Variants in FAM117B observed in about 807,000 individuals in gnomAD.
FAM117B encodes family with sequence similarity 117 member B.
Under a neutral mutation model 52.8 loss-of-function variants are expected in FAM117B, and 22 were observed. The observed-to-expected ratio is 0.42, with a 90% CI of 0.30 to 0.59. The LOEUF is 0.59. FAM117B is among the 20% of genes least tolerant of loss of function. The probability of loss-of-function intolerance (pLI) is 0.22; values close to 1 mark genes in which losing one functional copy is unlikely to be tolerated. For synonymous variants in FAM117B, 309 were observed against 324.1 expected (o/e 0.95, Z 0.50); for missense variants, 678 against 802.6 (o/e 0.84, Z 1.88).
intron 2 of FAM117B, among the ~76,000 whole-genome samples, chr2:202,714,329 T>G (rs142558543): frequency 6.6e-6 from 1 of 152,118 alleles, no homozygotes; most frequent in African/African-American, 2.4e-5. Flanking sequence ...CCATTTGATT[T>G]ATAGTATAGA....
At chr2:202,717,270 C>T (rs543903921) in intron 2 of FAM117B, among the ~76,000 whole-genome samples, 4 of 152,234 alleles carry the variant, frequency 2.6e-5, no homozygotes, top group African/African-American at 9.6e-5. Context: ...CAGGAGTTTG[C>T]GACCAGCCTG....
intron 2 of FAM117B, among the ~76,000 whole-genome samples, chr2:202,699,253 T>A: frequency 6.6e-6 from 1 of 151,138 alleles, no homozygotes; most frequent in Non-Finnish European, 1.5e-5. Flanking sequence ...ATGGTGAAAC[T>A]CTGTCTCTAC....
At chr2:202,751,201 T>G (rs986445461) in intron 4 of FAM117B, among the ~76,000 whole-genome samples, 2 of 152,234 alleles carry the variant, frequency 1.3e-5, no homozygotes, top group African/African-American at 4.8e-5. Flanking sequence ...TACAGATCAC[T>G]CTGTGTTACT....
intron 2 of FAM117B, among the ~76,000 whole-genome samples, chr2:202,723,327 AGTATTTTTTG>A (rs1691181037): frequency 6.6e-6 from 1 of 152,230 alleles, no homozygotes; most frequent in Non-Finnish European, 1.5e-5. Context: ...CAAACTGCAC[AGTATTTTTTG>A]GTATTTTTTA....
intron 1 of FAM117B, among the ~76,000 whole-genome samples, chr2:202,655,573 A>G (rs141193856): frequency 1.6e-3 from 240 of 152,272 alleles, no homozygotes; most frequent in Admixed American, 4.4e-3. Flanking sequence ...TTGGCTTTAT[A>G]AAATGAGTTG....
In FAM117B at chr2:202,636,714, A is replaced by G. The variant is rs558511318; in HGVS notation, c.601+926A>G. Among the ~76,000 whole-genome samples, 6 of 152,320 alleles carry G rather than the reference A, an allele frequency of 3.9e-5. No homozygotes were observed. The South Asian group carries it at 1.2e-3, about 32-fold the overall frequency. On this transcript the variant is annotated intron_variant, in intron 1 of 7. Transcript: ENST00000392238. The stretch of plus-strand genomic sequence containing the variant: ...TACGTATTCATTTTTGTCAACATAT[A>G]TCTTTGTCTTTCCTTGTCTGGGGAA...
intron 4 of FAM117B, among the ~76,000 whole-genome samples, chr2:202,738,361 T>C (rs1313267419): frequency 6.6e-6 from 1 of 152,196 alleles, no homozygotes; most frequent in Non-Finnish European, 1.5e-5. Context: ...AACCTACTTA[T>C]AATTATCACA....
intron 2 of FAM117B, among the ~76,000 whole-genome samples, chr2:202,706,729 T>C (rs1029011956): frequency 7.9e-5 from 12 of 152,262 alleles, no homozygotes; most frequent in Non-Finnish European, 1.5e-4. Flanking sequence ...AAAATTACTT[T>C]TTGAGTAACA....
At chr2:202,665,193 T>C (rs932281071) in intron 1 of FAM117B, among the ~76,000 whole-genome samples, 20 of 151,934 alleles carry the variant, frequency 1.3e-4, no homozygotes, top group African/African-American at 4.8e-4. Flanking sequence ...TTTCTTTTTT[T>C]TTTTTTGAGA....
intron 1 of FAM117B, among the ~76,000 whole-genome samples, chr2:202,637,980 G>A (rs1689713454): frequency 1.3e-5 from 2 of 151,060 alleles, no homozygotes; most frequent in Non-Finnish European, 1.5e-5. Context: ...GGGTTCAAGC[G>A]ATGCTCCTGC....
intron 4 of FAM117B, among the ~76,000 whole-genome samples, chr2:202,749,376 A>G (rs1691686125): frequency 6.6e-6 from 1 of 152,112 alleles, no homozygotes; most frequent in African/African-American, 2.4e-5. Flanking sequence ...AAAATTATGC[A>G]ACTATAAAAA....
At chr2:202,710,724 C>T (rs2105782024) in intron 2 of FAM117B, among the ~76,000 whole-genome samples, 2 of 152,198 alleles carry the variant, frequency 1.3e-5, no homozygotes, top group Non-Finnish European at 2.9e-5. Context: ...TGCTAACCTT[C>T]TCAGCCTCTG....
chr2:202,738,933 A>C (rs1691481618), intron 4 of FAM117B, among the ~76,000 whole-genome samples: 1 of 152,216 alleles, frequency 6.6e-6, no homozygotes, highest in Non-Finnish European at 1.5e-5. Context: ...TCACGCCTGT[A>C]ATCCCAGCAC....
chr2:202,706,990 CAT>C (rs1250041715), intron 2 of FAM117B, among the ~76,000 whole-genome samples: 3 of 152,162 alleles, frequency 2.0e-5, no homozygotes, highest in Admixed American at 6.5e-5. Flanking sequence ...TCTTATTTCA[CAT>C]GTTAGATCAA....
chr2:202,702,218 C>G (rs746778332), intron 2 of FAM117B, among the ~76,000 whole-genome samples: 15 of 151,908 alleles, frequency 9.9e-5, no homozygotes, highest in Non-Finnish European at 2.1e-4. Context: ...TAGTGAAACC[C>G]CTTCTATATT....
intron 2 of FAM117B, among the ~76,000 whole-genome samples, chr2:202,703,031 C>T (rs1349293567): frequency 2.0e-5 from 3 of 152,184 alleles, no homozygotes; most frequent in East Asian, 1.9e-4. Flanking sequence ...TGGTCTGGAA[C>T]TGAACTCCCA....
chr2:202,714,533 C>CTT (rs1034689626), intron 2 of FAM117B, among the ~76,000 whole-genome samples: 73 of 117,640 alleles, frequency 6.2e-4, no homozygotes, highest in South Asian at 7.9e-4. Flanking sequence ...TTTTTTTTTT[C>CTT]TTTTTTTTTT....
intron 4 of FAM117B, among the ~76,000 whole-genome samples, chr2:202,748,764 A>T (rs1004990349): frequency 6.6e-6 from 1 of 152,138 alleles, no homozygotes; most frequent in Non-Finnish European, 1.5e-5. Context: ...CAAATCCATA[A>T]TGAGATATCA....
At chr2:202,662,811 T>C (rs1356685279) in intron 1 of FAM117B, among the ~76,000 whole-genome samples, 2 of 151,932 alleles carry the variant, frequency 1.3e-5, no homozygotes, top group African/African-American at 4.8e-5. Context: ...GCCACTACAC[T>C]CTAGCCTGGC....
Sources: allele counts gnomAD v4.1 joint callset (sites outside exome capture counted in the v4.1 genomes callset), GRCh38; gene constraint gnomAD v4.1.1; transcripts MANE v1.5; gene names NCBI Gene and HGNC (gene_info 2026-07-23, HGNC 2026-07-21).